SERTAD4: variants seen among roughly 807,000 people sequenced by gnomAD.
SERTAD4 encodes the protein SERTA domain containing 4.
Under a neutral mutation model 32.9 loss-of-function variants are expected in SERTAD4, and 18 were observed. The ratio of observed to expected loss-of-function variants is 0.55; its 90% CI spans 0.38 to 0.81. The LOEUF (loss-of-function observed/expected upper bound fraction) is 0.81, where lower values mean the gene tolerates loss of function less well. Ranked by LOEUF, SERTAD4 falls within the 30% of genes least tolerant of loss-of-function variation. The pLI is 0.00. For missense variants in SERTAD4, 383 were observed against 426.0 expected, an observed-to-expected ratio of 0.90 and a Z score of 0.89; for synonymous variants, 150 against 156.4, an observed-to-expected ratio of 0.96 and a Z score of 0.30.
At position 210,243,949 on chromosome 1, in the gene SERTAD4, T is replaced by C. The variant is rs1299270007; in HGVS notation, c.*1612T>C. On this transcript the variant is annotated 3_prime_UTR_variant, in exon 4 of 4. Coordinates refer to ENST00000367012, the MANE Select transcript of SERTAD4 (RefSeq NM_019605.5). ...ATTTTTAAAACATTTTCTTGTGTTA[T>C]AGTTAAATAGTCTAGTAATGTTTTG... The C allele has an allele frequency of 6.6e-6, 1 of 152,240 alleles. No individual in the cohort carries two copies. Among genetic ancestry groups the C allele is most frequent in the Non-Finnish European group, 1.5e-5 (1 of 68,032 alleles). 9.4% of individuals were successfully genotyped at this position (152,240 alleles called of 1,614,324 possible). A position where few individuals can be genotyped will look rare whatever the true frequency, so the allele number is the denominator to read the frequency against.
Position 210,238,076 on chromosome 1 carries a change from C to T in SERTAD4, c.116C>T (p.Pro39Leu), listed in dbSNP as rs762472599. The change falls in exon 2 of 4, where the codon CCC becomes CTC. Residue 39 changes from proline to leucine, a missense_variant. Coordinates refer to ENST00000367012, the MANE Select transcript of SERTAD4 (RefSeq NM_019605.5). The part of the protein sequence containing the change: ...WEADSYGGPS[P>L]PGPAQAPLQG... ...GCTGACAGCTACGGAGGCCCAAGCC[C>T]CCCAGGGCCAGCACAAGCTCCTTTG... The T allele has an allele frequency of 1.2e-6, 2 of 1,613,742 alleles. No individual in the cohort carries two copies. The highest frequency in any genetic ancestry group is 1.1e-5 in the South Asian group (1 of 91,042).
chr1:210,239,385 A>C, intron 2 of SERTAD4, 108 bp from the exon 3 acceptor site: 1 of 719,914 alleles, frequency 1.4e-6, no homozygotes, highest in Admixed American at 2.4e-5. Flanking sequence ...ATGTACAGAC[A>C]AATATGTAGC....
In SERTAD4 at chr1:210,241,966, C is replaced by T. The variant is rs563699838; in HGVS notation, c.700C>T (p.Pro234Ser). 1 of 1,614,156 alleles carries T rather than the reference C, an allele frequency of 6.2e-7. No homozygotes were observed. The highest frequency in any genetic ancestry group is 1.7e-5 in the Admixed American group (1 of 60,004). The change falls in exon 4 of 4, where the codon CCT becomes TCT. Residue 234 changes from proline (P) to serine (S), a missense_variant. Physicochemically the swap from Pro to Ser is moderately conservative, Grantham distance 74. Transcript: ENST00000367012. ...CTCCTCATCTTCCTCTTCCTCTCCCCCTTTGCCTTTACCGAGTTGTTCCCG... is the reference window on the plus strand; with the variant it reads ...CTCCTCATCTTCCTCTTCCTCTCCCTCTTTGCCTTTACCGAGTTGTTCCCG... The part of the protein sequence containing the change: ...SSSSSSSSSP[P>S]LPLPSCSRQV...
intron 1 of SERTAD4, among the ~76,000 whole-genome samples, chr1:210,235,319 C>A (rs544845413): frequency 1.3e-5 from 2 of 152,252 alleles, no homozygotes; most frequent in South Asian, 4.1e-4. Context: ...CTTAACGCTG[C>A]CCTGTCCAAT....
chr1:210,239,656 TAGTAAC>T lies in SERTAD4; in HGVS notation c.291+52_291+57del, dbSNP rs748029404. 1.8e-4 allele frequency: 197 copies of T among 1,067,936 alleles called. 1 individual carries two copies. The highest frequency in any genetic ancestry group is 8.7e-5 in the Admixed American group (4 of 46,188). The allele number at this position is 1,067,936 out of a possible 1,614,324, so 66.2% of individuals were successfully genotyped here. On this transcript the variant is annotated intron_variant, in intron 3 of 3. Transcript: ENST00000367012. The stretch of plus-strand genomic sequence containing the variant: ...ATTTTTATTAAGAGTTTAAGATACT[TAGTAAC>T]AGTTGCTTGATCCACTTCCAGGAAT...
At chr1:210,235,570 A>G (rs2147844438) in intron 1 of SERTAD4, among the ~76,000 whole-genome samples, 1 of 152,350 alleles carries the variant, frequency 6.6e-6, no homozygotes, top group Middle Eastern at 3.4e-3. Flanking sequence ...TTGTGAACAA[A>G]ATAATAGCCA....
At chr1:210,233,393 C>A (rs2083898717) in intron 1 of SERTAD4, among the ~76,000 whole-genome samples, 2 of 152,110 alleles carry the variant, frequency 1.3e-5, no homozygotes, top group South Asian at 2.1e-4. Context: ...CCTCCGTGGC[C>A]GCTTAGTCCC....
At chr1:210,236,317 C>T (rs1321932512) in intron 1 of SERTAD4, among the ~76,000 whole-genome samples, 3 of 152,122 alleles carry the variant, frequency 2.0e-5, no homozygotes, top group East Asian at 1.9e-4. Context: ...TAAAAGAGAA[C>T]GGGGAGGTGT....
chr1:210,241,947 ATCTTCC>A lies in SERTAD4; in HGVS notation c.691_696del (p.Ser231_Ser232del). ...CTCCCTCCGCCTCTTCTTCCTCCTC[ATCTTCC>A]TCTTCCTCTCCCCCTTTGCCTTTAC... On this transcript the variant is annotated inframe_deletion, in exon 4 of 4. Transcript: ENST00000367012. The A allele has an allele frequency of 6.2e-7, 1 of 1,613,722 alleles. No homozygotes were observed. The highest frequency in any genetic ancestry group is 1.1e-5 in the South Asian group (1 of 91,046).
chr1:210,245,919 T>C lies in SERTAD4; in HGVS notation c.*3582T>C, dbSNP rs1438166996. The C allele has an allele frequency of 1.0e-6, 1 of 985,284 alleles. No homozygotes were observed. The highest frequency in any genetic ancestry group is 1.7e-5 in the African/African-American group (1 of 57,252). 61.0% of individuals were successfully genotyped at this position (985,284 alleles called of 1,614,324 possible). A position where few individuals can be genotyped will look rare whatever the true frequency, so the allele number is the denominator to read the frequency against. On this transcript the variant is annotated 3_prime_UTR_variant, in exon 4 of 4. Coordinates refer to ENST00000367012, the MANE Select transcript of SERTAD4 (RefSeq NM_019605.5). ...ATGCAGCTAGGTTTTTATATCCTTC[T>C]AACAAATGGTGAGCAGGAGACTTTT...
chr1:210,239,761 G>A (rs1292943934), intron 3 of SERTAD4, among the ~76,000 whole-genome samples, 153 bp downstream of exon 3: 1 of 151,956 alleles, frequency 6.6e-6, no homozygotes, highest in African/African-American at 2.4e-5. Flanking sequence ...CGCTTTTTTG[G>A]GTCCTGTGTT....
chr1:210,245,812 G>C lies in SERTAD4; in HGVS notation c.*3475G>C, dbSNP rs1470642269. 1.1e-5 allele frequency: 11 copies of C among 985,202 alleles called. No homozygotes were observed. Among genetic ancestry groups the C allele is most frequent in the African/African-American group, 1.7e-5 (1 of 57,196 alleles). The allele number at this position is 985,202 out of a possible 1,614,324, so 61.0% of individuals were successfully genotyped here. ...TTCTGTGTATCAGGAGCAGAGCAGA[G>C]GACAACTTGTAGAAGACATGACCAT... On this transcript the variant is annotated 3_prime_UTR_variant, in exon 4 of 4. Transcript: ENST00000367012.
Position 210,238,069 on chromosome 1 carries a change from C to A in SERTAD4, c.109C>A (p.Pro37Thr), listed in dbSNP as rs796126524. ...ATGGGAGGCTGACAGCTACGGAGGC[C>A]CAAGCCCCCCAGGGCCAGCACAAGC... ...TLWEADSYGG[P>T]SPPGPAQAPL... The change falls in exon 2 of 4, where the codon CCA (proline) becomes ACA (threonine). Residue 37 changes from proline to threonine, a missense_variant. Physicochemically the swap from Pro to Thr is conservative, Grantham distance 38. Coordinates refer to ENST00000367012, the MANE Select transcript of SERTAD4 (RefSeq NM_019605.5). 1.9e-6 allele frequency: 3 copies of A among 1,613,526 alleles called. No individual in the cohort carries two copies. Among genetic ancestry groups the A allele is most frequent in the Admixed American group, 1.7e-5 (1 of 59,900 alleles).
chr1:210,238,248 T>C, intron 2 of SERTAD4, 113 bp downstream of exon 2: 1 of 654,564 alleles, frequency 1.5e-6, no homozygotes, highest in African/African-American at 1.8e-5. Context: ...GAGCTAAAGC[T>C]CCAGGGACTT....
At chr1:210,236,243 C>A (rs1393309207) in intron 1 of SERTAD4, among the ~76,000 whole-genome samples, 1 of 152,196 alleles carries the variant, frequency 6.6e-6, no homozygotes, top group Non-Finnish European at 1.5e-5. Flanking sequence ...TCGAACCTTT[C>A]TTTTGCCCAC....
intron 1 of SERTAD4, chr1:210,233,708 C>T (rs986896335): frequency 8.5e-5 from 40 of 470,982 alleles, no homozygotes; most frequent in African/African-American, 7.0e-4. Flanking sequence ...CCCCTCCCGC[C>T]TCTTCGGCCC....
Position 210,243,283 on chromosome 1 carries a change from C to A in SERTAD4, c.*946C>A. On this transcript the variant is annotated 3_prime_UTR_variant, in exon 4 of 4. Coordinates refer to ENST00000367012, the MANE Select transcript of SERTAD4 (RefSeq NM_019605.5). ...GAGAGAGAGCTGTTAGAAAGCAGCA[C>A]GGGCTGCTCGAGCTTTTCTATGGCA... 2.9e-6 allele frequency: 1 copy of A among 344,182 alleles called. No homozygotes were observed. Among genetic ancestry groups the A allele is most frequent in the Non-Finnish European group, 4.1e-6 (1 of 245,130 alleles). 21.3% of individuals were successfully genotyped at this position (344,182 alleles called of 1,614,324 possible). A position where few individuals can be genotyped will look rare whatever the true frequency, so the allele number is the denominator to read the frequency against.
intron 1 of SERTAD4, among the ~76,000 whole-genome samples, chr1:210,235,039 G>A (rs1476483560): frequency 6.6e-6 from 1 of 152,030 alleles, no homozygotes; most frequent in East Asian, 1.9e-4. Flanking sequence ...AGGATGAAGG[G>A]TTAGGGCTTT....
At position 210,237,936 on chromosome 1, in the gene SERTAD4, C is replaced by G. The variant is rs201870831; in HGVS notation, c.-17-8C>G. The G allele has an allele frequency of 2.6e-6, 3 of 1,139,420 alleles. No homozygotes were observed. Among genetic ancestry groups the G allele is most frequent in the African/African-American group, 1.8e-5 (1 of 54,568 alleles). 70.6% of individuals were successfully genotyped at this position (1,139,420 alleles called of 1,614,324 possible). ...CTTCATTCTTGTTTTTTTTTTTTTT[C>G]TTTTCAGATCTGAGGCTGTCAGAGA... On this transcript the variant is annotated splice_polypyrimidine_tract_variant and splice_region_variant and intron_variant, in intron 1 of 3. Coordinates refer to ENST00000367012, the MANE Select transcript of SERTAD4 (RefSeq NM_019605.5).
Sources: allele counts gnomAD v4.1 joint callset (sites outside exome capture counted in the v4.1 genomes callset), GRCh38; gene constraint gnomAD v4.1.1; transcripts MANE v1.5; gene names NCBI Gene and HGNC (gene_info 2026-07-23, HGNC 2026-07-21).